Variants in CCDC57 observed in about 807,000 individuals in gnomAD.
CCDC57 encodes coiled-coil domain-containing protein 57.
A neutral mutation model predicts 118.9 loss-of-function variants in CCDC57; 118 were observed. The ratio of observed to expected loss-of-function variants is 0.99; its 90% CI spans 0.86 to 1.16. The LOEUF (loss-of-function observed/expected upper bound fraction) is 1.16. CCDC57 is among the 50% of genes most tolerant of loss of function. The probability of loss-of-function intolerance (pLI) is 0.00; values close to 1 mark genes in which losing one functional copy is unlikely to be tolerated. For missense variants in CCDC57, 1,300 were observed against 1,320.7 expected, an observed-to-expected ratio of 0.98 and a Z score of 0.24; for synonymous variants, 527 against 532.9, an observed-to-expected ratio of 0.99 and a Z score of 0.15.
chr17:82,119,834 G>A (rs1487024386), intron 19 of CCDC57, among the ~76,000 whole-genome samples: 10 of 152,146 alleles, frequency 6.6e-5, no homozygotes, highest in Admixed American at 5.9e-4. Context: ...TAAAAACGCA[G>A]GTGAGAGAGG....
rs141760654 is a variant in CCDC57 at position 82,184,016 on chromosome 17, T to TGCGC, written c.1053-88_1053-85dup. ...CACAGCACCCCCCAGCAAATACACA[T>TGCGC]GCGCGCGCGCGCGCGCACACACACA... On this transcript the variant is annotated intron_variant, in intron 8 of 19. Transcript: ENST00000665763. The TGCGC allele has an allele frequency of 8.3e-3, 2,526 of 305,650 alleles. 212 individuals are homozygous for TGCGC. The highest frequency in any genetic ancestry group is 9.6e-3 in the Non-Finnish European group (1,578 of 165,136). 18.9% of individuals were successfully genotyped at this position (305,650 alleles called of 1,614,324 possible).
intron 7 of CCDC57, among the ~76,000 whole-genome samples, chr17:82,193,412 T>C (rs1362689183): frequency 6.6e-6 from 1 of 152,054 alleles, no homozygotes. Context: ...CCAGGCATGG[T>C]TGTGCACGCC....
At chr17:82,208,983 C>A (rs934504193) in intron 1 of CCDC57, among the ~76,000 whole-genome samples, 16 of 152,156 alleles carry the variant, frequency 1.1e-4, no homozygotes, top group Non-Finnish European at 4.4e-5. Flanking sequence ...ACAGCTCAAG[C>A]GATCTTCCCA....
chr17:82,107,655 TG>T, intron 19 of CCDC57: 1 of 464,956 alleles, frequency 2.2e-6, no homozygotes, highest in Non-Finnish European at 4.4e-6. Flanking sequence ...CAGCCTGGGT[TG>T]AAGAAACACC....
chr17:82,145,754 CT>C, intron 16 of CCDC57: 1 of 443,108 alleles, frequency 2.3e-6, no homozygotes, highest in Non-Finnish European at 4.7e-6. Context: ...CTGCAGGCCC[CT>C]GAGTGGGGCT....
At chr17:82,138,821 T>C (rs2039647155) in intron 16 of CCDC57, among the ~76,000 whole-genome samples, 1 of 152,090 alleles carries the variant, frequency 6.6e-6, no homozygotes, top group Non-Finnish European at 1.5e-5. Flanking sequence ...TTCATTAGAG[T>C]CCCGAAGCCA....
intron 19 of CCDC57, chr17:82,113,085 C>T (rs1014920924): frequency 9.5e-6 from 4 of 420,004 alleles, no homozygotes; most frequent in Admixed American, 8.1e-5. Flanking sequence ...AAGTTACTTT[C>T]CTAAGTGGCA....
intron 19 of CCDC57, among the ~76,000 whole-genome samples, chr17:82,107,018 T>C (rs1200567314): frequency 3.3e-5 from 5 of 152,182 alleles, no homozygotes; most frequent in Non-Finnish European, 7.4e-5. Context: ...GTCTCAGGGC[T>C]GCTCCCTGCA....
rs1361236544 is a variant in CCDC57, at chr17:82,120,675, C to T, written c.2899+7017G>A. Among the ~76,000 whole-genome samples the T allele has an allele frequency of 2.0e-5, 3 of 152,226 alleles. No individual in the cohort carries two copies. In the East Asian group the frequency reaches 5.8e-4, roughly 29 times the overall value. ...CGCAGATCATTAAACAACTCAACTGCATGAACCACTTTAGTCTTTTCCTAA... is the reference window on the plus strand; with the variant it reads ...CGCAGATCATTAAACAACTCAACTGTATGAACCACTTTAGTCTTTTCCTAA... On this transcript the variant is annotated intron_variant, in intron 19 of 19. Transcript: ENST00000665763.
At chr17:82,131,482 C>T (rs1002951102) in intron 17 of CCDC57, among the ~76,000 whole-genome samples, 2 of 151,852 alleles carry the variant, frequency 1.3e-5, no homozygotes, top group African/African-American at 4.8e-5. Flanking sequence ...TGGCTCACGC[C>T]TGTAATCCCA....
At chr17:82,173,222 C>T (rs1336954641) in intron 11 of CCDC57, among the ~76,000 whole-genome samples, 1 of 152,122 alleles carries the variant, frequency 6.6e-6, no homozygotes, top group Admixed American at 6.6e-5. Context: ...GTGATGGCTG[C>T]ACCTCCGTGT....
In CCDC57 at chr17:82,212,337, G is replaced by C. The variant is rs922655444; in HGVS notation, c.-211+448C>G. Among the ~76,000 whole-genome samples the C allele has an allele frequency of 4.3e-5, 4 of 93,416 alleles. No individual in the cohort carries two copies. The highest frequency in any genetic ancestry group is 2.0e-4 in the African/African-American group (4 of 20,108). 61.3% of individuals were successfully genotyped at this position (93,416 alleles called of 152,430 possible). A position where few individuals can be genotyped will look rare whatever the true frequency, so the allele number is the denominator to read the frequency against. On this transcript the variant is annotated intron_variant, in intron 1 of 19. Coordinates refer to ENST00000665763, the Ensembl canonical transcript of CCDC57. The surrounding 1 kb of genome is among the most constrained non-coding windows in gnomAD (Gnocchi z 4.1). ...GGCCTCAAGCAATCTGCCCGCCTCT[G>C]CCTCCCAAAGTGCTGGATTACAGGC...
chr17:82,209,016 T>C (rs1168993646), intron 1 of CCDC57, among the ~76,000 whole-genome samples: 1 of 152,134 alleles, frequency 6.6e-6, no homozygotes, highest in African/African-American at 2.4e-5. Context: ...TGTGAACCAC[T>C]GCACCCAGCC....
At chr17:82,198,861 C>T (rs1463101916) in intron 3 of CCDC57, among the ~76,000 whole-genome samples, 13 of 151,684 alleles carry the variant, frequency 8.6e-5, no homozygotes, top group East Asian at 5.9e-4. Flanking sequence ...GGCGTGGTGG[C>T]GGGCGCCTGT....
chr17:82,114,613 G>T (rs1361262567), intron 19 of CCDC57, among the ~76,000 whole-genome samples: 1 of 152,166 alleles, frequency 6.6e-6, no homozygotes, highest in Non-Finnish European at 1.5e-5. Context: ...CAGTGACTAG[G>T]TGGAGGGCGG....
intron 9 of CCDC57, among the ~76,000 whole-genome samples, chr17:82,179,400 G>A (rs1286861369): frequency 2.6e-5 from 4 of 152,204 alleles, no homozygotes. Context: ...CCAGATGCCG[G>A]AGAAAACCCA....
chr17:82,201,524 G>C lies in CCDC57; in HGVS notation c.407+14C>G. On this transcript the variant is annotated intron_variant, in intron 3 of 19. Transcript: ENST00000665763. ...CAGGCACTGCACAGGAGGGCGCGTC[G>C]GTCGGTGGCTCACCTGTGGACGCGC... 6.3e-7 allele frequency: 1 copy of C among 1,581,948 alleles called. No individual in the cohort carries two copies. Among genetic ancestry groups the C allele is most frequent in the East Asian group, 2.3e-5 (1 of 43,574 alleles).
At chr17:82,177,711 G>A (rs886998332) in intron 11 of CCDC57, among the ~76,000 whole-genome samples, 18 of 152,198 alleles carry the variant, frequency 1.2e-4, no homozygotes, top group African/African-American at 3.4e-4. Flanking sequence ...GTGGCTGGCC[G>A]CTTAGTGCGG....
chr17:82,142,393 A>G (rs376584186), intron 16 of CCDC57, among the ~76,000 whole-genome samples: 5 of 151,912 alleles, frequency 3.3e-5, no homozygotes, highest in Admixed American at 2.0e-4. Context: ...GCTCACTGCA[A>G]CCTCTGCCTC....
Sources: allele counts gnomAD v4.1 joint callset (sites outside exome capture counted in the v4.1 genomes callset), GRCh38; gene constraint gnomAD v4.1.1; non-coding constraint Gnocchi (gnomAD v3.1); transcripts MANE v1.5; gene names NCBI Gene and HGNC (gene_info 2026-07-23, HGNC 2026-07-21).